Variants in TENM3 observed in about 807,000 individuals in gnomAD.
TENM3 encodes the protein teneurin-3.
A neutral mutation model predicts 255.1 loss-of-function variants in TENM3; 63 were observed. The observed-to-expected ratio is 0.25, with a 90% CI of 0.20 to 0.30. The LOEUF (loss-of-function observed/expected upper bound fraction) is 0.30, where lower values mean the gene tolerates loss of function less well. Ranked by LOEUF, TENM3 falls within the 10% of genes least tolerant of loss-of-function variation. The pLI, the probability that TENM3 is intolerant of heterozygous loss-of-function variation, is 1.00. For missense variants in TENM3, 2,929 were observed against 3,461.1 expected (o/e 0.85, Z 3.86); for synonymous variants, 1,306 against 1,322.3 (o/e 0.99, Z 0.27).
chr4:181,768,445 C>T, the TENM3 span, among the ~76,000 whole-genome samples: 172 of 152,318 alleles, frequency 1.1e-3, no homozygotes, highest in Admixed American at 2.7e-3. Flanking sequence ...CCGTCTAAAA[C>T]ATTAGAACTC....
At chr4:181,912,743 G>A in the TENM3 span, among the ~76,000 whole-genome samples, 3 of 149,064 alleles carry the variant, frequency 2.0e-5, no homozygotes, top group Non-Finnish European at 3.0e-5. Flanking sequence ...CTGCACTCCA[G>A]CCTGGGCCAC....
At chr4:181,478,355 G>A in the TENM3 span, among the ~76,000 whole-genome samples, 1 of 152,148 alleles carries the variant, frequency 6.6e-6, no homozygotes, top group Non-Finnish European at 1.5e-5. Flanking sequence ...TCATTAAAAT[G>A]GCATCTTTAA....
At chr4:182,443,524 T>G (rs1306790159) in intron 3 of TENM3, among the ~76,000 whole-genome samples, 1 of 152,198 alleles carries the variant, frequency 6.6e-6, no homozygotes, top group African/African-American at 2.4e-5. Flanking sequence ...CCCAGCTAAC[T>G]CTTGCTGGCC....
chr4:182,259,839 G>A (rs572094590), intron 1 of TENM3, among the ~76,000 whole-genome samples: 9 of 152,050 alleles, frequency 5.9e-5, no homozygotes, highest in South Asian at 2.1e-4. Context: ...CTACTGATCC[G>A]TGAAACACTA....
At chr4:182,013,488 C>G in the TENM3 span, among the ~76,000 whole-genome samples, 1 of 152,194 alleles carries the variant, frequency 6.6e-6, no homozygotes, top group Non-Finnish European at 1.5e-5. Flanking sequence ...GAACACTTGT[C>G]CTGATTCCAA....
At chr4:181,755,965 A>G in the TENM3 span, among the ~76,000 whole-genome samples, 1 of 152,090 alleles carries the variant, frequency 6.6e-6, no homozygotes, top group Non-Finnish European at 1.5e-5. Context: ...CTGTCACGTC[A>G]TTGATAGCAG....
chr4:182,369,522 T>C (rs1163118224), intron 3 of TENM3, among the ~76,000 whole-genome samples: 1 of 152,148 alleles, frequency 6.6e-6, no homozygotes, highest in South Asian at 2.1e-4. Context: ...CCTCACTGTC[T>C]CCAAGAGCTT....
intron 13 of TENM3, among the ~76,000 whole-genome samples, chr4:182,720,342 A>G (rs1469093993): frequency 6.6e-6 from 1 of 152,068 alleles, no homozygotes; most frequent in Non-Finnish European, 1.5e-5. Context: ...CAGCACTGGA[A>G]AGGAAGCGGG....
the TENM3 span, among the ~76,000 whole-genome samples, chr4:181,852,062 A>G: frequency 6.6e-6 from 1 of 152,244 alleles, no homozygotes; most frequent in Non-Finnish European, 1.5e-5. Context: ...AACTCAGGGC[A>G]CGTCTTTCCA....
chr4:182,511,399 A>ATGGAAT (rs1560851148), intron 3 of TENM3, among the ~76,000 whole-genome samples: 1 of 152,170 alleles, frequency 6.6e-6, no homozygotes, highest in African/African-American at 2.4e-5. Flanking sequence ...CTTAGCTTTT[A>ATGGAAT]TGGAATCATG....
the TENM3 span, among the ~76,000 whole-genome samples, chr4:181,972,813 G>A: frequency 1.3e-5 from 2 of 152,178 alleles, no homozygotes; most frequent in Admixed American, 6.5e-5. Context: ...CAGAAAATAA[G>A]GAAATGCAGT....
the TENM3 span, among the ~76,000 whole-genome samples, chr4:181,662,009 T>C: frequency 1.3e-5 from 2 of 152,144 alleles, no homozygotes; most frequent in Non-Finnish European, 2.9e-5. Flanking sequence ...TCAAAATTCT[T>C]CATGTAGTAA....
At chr4:182,121,147 C>G in the TENM3 span, among the ~76,000 whole-genome samples, 2 of 151,960 alleles carry the variant, frequency 1.3e-5, no homozygotes, top group Non-Finnish European at 2.9e-5. Flanking sequence ...TACAGGCGCC[C>G]ACACGACACC....
At chr4:182,637,051 G>A (rs1189929002) in intron 5 of TENM3, among the ~76,000 whole-genome samples, 1 of 152,036 alleles carries the variant, frequency 6.6e-6, no homozygotes, top group Non-Finnish European at 1.5e-5. Context: ...TTACATTAGT[G>A]GTACTAACAG....
chr4:181,697,142 T>A, the TENM3 span, among the ~76,000 whole-genome samples: 1 of 152,192 alleles, frequency 6.6e-6, no homozygotes, highest in African/African-American at 2.4e-5. Context: ...GGCCCAAGAA[T>A]CTTCAAACGA....
chr4:182,745,523 G>A (rs1260593966), intron 19 of TENM3, among the ~76,000 whole-genome samples: 1 of 152,156 alleles, frequency 6.6e-6, no homozygotes, highest in African/African-American at 2.4e-5. Flanking sequence ...GCCGGGCATG[G>A]TGCCAGATAT....
At chr4:182,111,189 C>CTTTTTTTTTTTTT in the TENM3 span, among the ~76,000 whole-genome samples, 6 of 80,522 alleles carry the variant, frequency 7.5e-5, no homozygotes, top group African/African-American at 1.6e-4. Context: ...GTCTTCTTCT[C>CTTTTTTTTTTTTT]TTTTTTTTTT....
intron 1 of TENM3, among the ~76,000 whole-genome samples, chr4:182,299,071 A>T (rs1469656441): frequency 6.8e-6 from 1 of 147,048 alleles, no homozygotes; most frequent in Admixed American, 6.9e-5. Flanking sequence ...AGTCACTCAG[A>T]GGTAGGAGAG....
the TENM3 span, among the ~76,000 whole-genome samples, chr4:181,813,279 G>C: frequency 1.3e-5 from 2 of 152,124 alleles, no homozygotes; most frequent in African/African-American, 4.8e-5. Flanking sequence ...AGAGTGGGAA[G>C]CCAAAGAAAA....
Sources: allele counts gnomAD v4.1 joint callset (sites outside exome capture counted in the v4.1 genomes callset), GRCh38; gene constraint gnomAD v4.1.1; transcripts MANE v1.5; gene names NCBI Gene and HGNC (gene_info 2026-07-23, HGNC 2026-07-21).